The following PCED1B variants were observed in gnomAD, a reference collection of about 807,000 sequenced individuals.
The protein encoded by PCED1B is PC-esterase domain containing 1B, also known as PC-esterase domain-containing protein 1B.
For missense variants in PCED1B, 573 were observed against 573.9 expected (o/e 1.00, Z 0.02); for synonymous variants, 251 against 246.1 (o/e 1.02, Z -0.19).
At position 47,146,609 on chromosome 12, in the gene PCED1B, T is replaced by C. The variant is rs116994528; in HGVS notation, c.-526+42414T>C. Among the ~76,000 whole-genome samples the C allele has an allele frequency of 5.1e-3, 771 of 152,338 alleles. 4 individuals are homozygous for C. Among genetic ancestry groups the C allele is most frequent in the Non-Finnish European group, 9.0e-3 (611 of 68,028 alleles). On this transcript the variant is annotated intron_variant, in intron 2 of 3. Transcript: ENST00000546455. ...CAAGACCCTATACCGGCAAAAAGAT[T>C]ACAGCTTGCCAATGGCTCAGATGAT...
In PCED1B at chr12:47,236,342, C is replaced by G. The variant is rs746529376; in HGVS notation, c.1279C>G (p.Pro427Ala). The change falls in exon 4 of 4, where the codon CCT (proline) becomes GCT (alanine). Residue 427 changes from proline to alanine, a missense_variant. Coordinates refer to ENST00000546455, the MANE Select transcript of PCED1B (RefSeq NM_138371.3). ...RPSKRRAPAN[P>A]EPRPQ ...TTCAAAGAGAAGGGCCCCAGCCAAT[C>G]CTGAGCCAAGGCCTCAATAGACGGA... is the stretch of plus-strand genomic sequence containing the variant. 6.2e-7 allele frequency: 1 copy of G among 1,604,662 alleles called. No homozygotes were observed. The highest frequency in any genetic ancestry group is 1.1e-5 in the South Asian group (1 of 89,746).
intron 2 of PCED1B, among the ~76,000 whole-genome samples, chr12:47,197,564 C>A (rs143018754): frequency 1.3e-5 from 2 of 151,496 alleles, no homozygotes; most frequent in East Asian, 1.9e-4. Flanking sequence ...GTCCAGATCG[C>A]GCCATTGCAC....
chr12:47,122,570 T>G (rs889414664), intron 2 of PCED1B, among the ~76,000 whole-genome samples: 2 of 152,238 alleles, frequency 1.3e-5, no homozygotes, highest in Non-Finnish European at 2.9e-5. Flanking sequence ...TATGGAAAAC[T>G]AGAGTAATGG....
intron 2 of PCED1B, among the ~76,000 whole-genome samples, chr12:47,111,792 T>C (rs965845382): frequency 4.6e-5 from 7 of 152,236 alleles, no homozygotes; most frequent in African/African-American, 1.7e-4. Flanking sequence ...CCAGCTGTGC[T>C]TGTTCTAGCT....
At position 47,235,809 on chromosome 12, in the gene PCED1B, C is replaced by A. The variant is rs759026254; in HGVS notation, c.746C>A (p.Ala249Asp). 1.3e-6 allele frequency: 2 copies of A among 1,576,910 alleles called. No homozygotes were observed. The highest frequency in any genetic ancestry group is 1.7e-6 in the Non-Finnish European group (2 of 1,161,484). Residue 249 changes from alanine (A) to aspartate (D), a missense_variant, in exon 4 of 4, where the codon GCC becomes GAC. Coordinates refer to ENST00000546455, the MANE Select transcript of PCED1B (RefSeq NM_138371.3). ...CLSQLLLAHV[A>D]DAWGVELPHR... is the part of the protein sequence containing the mutation. ...TCCCAGCTGCTGCTGGCCCACGTGG[C>A]CGACGCCTGGGGTGTGGAGCTGCCC...
chr12:47,220,789 G>T (rs1943452863), intron 3 of PCED1B, among the ~76,000 whole-genome samples: 1 of 152,200 alleles, frequency 6.6e-6, no homozygotes, highest in South Asian at 2.1e-4. Flanking sequence ...TTCTATCTAG[G>T]AGAGTAGGGA....
chr12:47,125,740 C>T (rs997403402), intron 2 of PCED1B, among the ~76,000 whole-genome samples: 1 of 151,896 alleles, frequency 6.6e-6, no homozygotes, highest in African/African-American at 2.4e-5. Flanking sequence ...AGATTCGTTC[C>T]TAAGTATTTT....
chr12:47,197,803 A>G (rs1942651609), intron 2 of PCED1B, among the ~76,000 whole-genome samples: 1 of 151,912 alleles, frequency 6.6e-6, no homozygotes, highest in Non-Finnish European at 1.5e-5. Context: ...ATGAAAATAG[A>G]CCATTTCCTA....
intron 3 of PCED1B, among the ~76,000 whole-genome samples, chr12:47,232,278 A>G (rs1001883792): frequency 1.3e-5 from 2 of 152,212 alleles, no homozygotes; most frequent in African/African-American, 4.8e-5. Context: ...AACATAAGCC[A>G]CTGCACCCAG....
Position 47,129,967 on chromosome 12 carries a change from C to T in PCED1B, c.-526+25772C>T, listed in dbSNP as rs762649585. Among the ~76,000 whole-genome samples the T allele has an allele frequency of 2.6e-5, 4 of 152,314 alleles. No individual in the cohort carries two copies. In the South Asian group the frequency reaches 8.3e-4, roughly 32 times the overall value. ...TGTGCTTGGCAAAATGTCTTGAGTTCTGCCCAAAGAAGAGACTTAGTAGGT... is the reference window on the plus strand; with the variant it reads ...TGTGCTTGGCAAAATGTCTTGAGTTTTGCCCAAAGAAGAGACTTAGTAGGT... On this transcript the variant is annotated intron_variant, in intron 2 of 3. Coordinates refer to ENST00000546455, the MANE Select transcript of PCED1B (RefSeq NM_138371.3).
intron 2 of PCED1B, among the ~76,000 whole-genome samples, chr12:47,161,527 G>T (rs937529957): frequency 3.3e-5 from 5 of 152,106 alleles, no homozygotes; most frequent in Non-Finnish European, 7.4e-5. Flanking sequence ...ATATTAGTCT[G>T]TTTTGCATTT....
chr12:47,235,313 T>G lies in PCED1B; in HGVS notation c.250T>G (p.Ser84Ala), dbSNP rs749183962. The G allele has an allele frequency of 6.8e-6, 11 of 1,613,938 alleles. No individual in the cohort carries two copies. The highest frequency in any genetic ancestry group is 1.3e-5 in the African/African-American group (1 of 74,946). ...LNYREVREFR[S>A]DHHLVRFYFL... Reference sequence around the variant, plus strand: ...CTACCGTGAGGTCCGCGAGTTCCGCTCCGACCACCATCTGGTACGTTTTTA... The same window carrying G: ...CTACCGTGAGGTCCGCGAGTTCCGCGCCGACCACCATCTGGTACGTTTTTA... The change falls in exon 4 of 4, where the codon TCC becomes GCC. Residue 84 changes from serine (S) to alanine (A), a missense_variant. Coordinates refer to ENST00000546455, the MANE Select transcript of PCED1B (RefSeq NM_138371.3).
intron 2 of PCED1B, chr12:47,135,562 C>T (rs904061806): frequency 9.7e-6 from 5 of 513,878 alleles, no homozygotes; most frequent in Admixed American, 2.0e-5. Context: ...AGCCAGGGCC[C>T]AGATGTTCAG....
chr12:47,085,859 T>C (rs1376883738), intron 1 of PCED1B, among the ~76,000 whole-genome samples: 1 of 152,194 alleles, frequency 6.6e-6, no homozygotes, highest in Non-Finnish European at 1.5e-5. Flanking sequence ...CTTAATTTGG[T>C]TCCTACTTCA....
intron 2 of PCED1B, among the ~76,000 whole-genome samples, chr12:47,200,493 A>G (rs184254407): frequency 3.2e-4 from 49 of 152,344 alleles, no homozygotes; most frequent in African/African-American, 1.2e-3. Context: ...TGTTGCTGGT[A>G]GGAATGCAAA....
In PCED1B at chr12:47,236,335, A is replaced by G. The variant is rs77526916; in HGVS notation, c.1272A>G (p.Pro424=). Residue 424 remains proline (P), a synonymous_variant, in exon 4 of 4, where the codon CCA becomes CCG. Coordinates refer to ENST00000546455, the MANE Select transcript of PCED1B (RefSeq NM_138371.3). ...QRPRPSKRRA[P]ANPEPRPQ ...CTCGACCTTCAAAGAGAAGGGCCCC[A>G]GCCAATCCTGAGCCAAGGCCTCAAT... 188 of 1,608,162 alleles carry G rather than the reference A, an allele frequency of 1.2e-4. No homozygotes were observed. The East Asian group carries it at 3.8e-3, about 33-fold the overall frequency.
chr12:47,171,574 T>C (rs559672141), intron 2 of PCED1B, among the ~76,000 whole-genome samples: 1 of 152,372 alleles, frequency 6.6e-6, no homozygotes, highest in East Asian at 1.9e-4. Flanking sequence ...TCTCTTCATC[T>C]TCTACTCTGA....
At chr12:47,115,097 G>A (rs1464782428) in intron 2 of PCED1B, among the ~76,000 whole-genome samples, 1 of 152,110 alleles carries the variant, frequency 6.6e-6, no homozygotes, top group African/African-American at 2.4e-5. Context: ...ATAAAGCCTG[G>A]ACACAGGTTA....
intron 2 of PCED1B, among the ~76,000 whole-genome samples, chr12:47,208,133 AG>A (rs2137747453): frequency 6.6e-6 from 1 of 152,324 alleles, no homozygotes; most frequent in South Asian, 2.1e-4. Context: ...TGACTCCACC[AG>A]GTGTCAAGGT....
Sources: allele counts gnomAD v4.1 joint callset (sites outside exome capture counted in the v4.1 genomes callset), GRCh38; gene constraint gnomAD v4.1.1; transcripts MANE v1.5; gene names NCBI Gene and HGNC (gene_info 2026-07-23, HGNC 2026-07-21).